Variants in U2SURP observed in about 807,000 individuals in gnomAD.
U2SURP encodes the protein U2 snRNP-associated SURP motif-containing protein.
A neutral mutation model predicts 144.9 loss-of-function variants in U2SURP; 9 were observed. That is an observed-to-expected ratio of 0.06 (90% CI 0.04 to 0.11). U2SURP has a LOEUF of 0.11. U2SURP is among the 10% of genes least tolerant of loss of function. The pLI, the probability that U2SURP is intolerant of heterozygous loss-of-function variation, is 1.00. For synonymous variants in U2SURP, 408 were observed against 396.8 expected, an observed-to-expected ratio of 1.03 and a Z score of -0.33; for missense variants, 724 against 1,226.7, an observed-to-expected ratio of 0.59 and a Z score of 6.12.
At chr3:143,051,603 A>C (rs1347505793) in intron 25 of U2SURP, among the ~76,000 whole-genome samples, 1 of 18,190 alleles carries the variant, frequency 5.5e-5, no homozygotes, top group Admixed American at 6.2e-4. Context: ...CTGTCGTTGC[A>C]AAAAAAAAAA....
At chr3:143,002,656 G>A (rs1053219290) in intron 1 of U2SURP, among the ~76,000 whole-genome samples, 3 of 152,166 alleles carry the variant, frequency 2.0e-5, no homozygotes, top group Non-Finnish European at 4.4e-5. Context: ...CTGTAAATCG[G>A]CTATTAGAAA....
chr3:143,016,762 A>G (rs1455694665), intron 5 of U2SURP, 80 bp from the exon 6 acceptor site: 1 of 1,264,216 alleles, frequency 7.9e-7, no homozygotes, highest in East Asian at 2.8e-5. Context: ...GCATTTTACT[A>G]ATTTTTACTT....
rs964024590 is a variant in U2SURP at position 143,056,546 on chromosome 3, G to A, written c.*96G>A. ...AAAAAACAAAAAATCAAATGAAAGA[G>A]CATTCCTGGGGTTTTTTGTTTGTTT... On this transcript the variant is annotated 3_prime_UTR_variant, in exon 28 of 28. Transcript: ENST00000473835. 35 of 1,463,836 alleles carry A rather than the reference G, an allele frequency of 2.4e-5. No homozygotes were observed. Among genetic ancestry groups the A allele is most frequent in the Admixed American group, 1.2e-4 (5 of 42,556 alleles). 90.7% of individuals were successfully genotyped at this position (1,463,836 alleles called of 1,614,324 possible).
intron 10 of U2SURP, 85 bp from the exon 11 acceptor site, chr3:143,022,412 T>C (rs1936686395): frequency 9.7e-6 from 13 of 1,339,268 alleles, no homozygotes; most frequent in Non-Finnish European, 1.3e-5. Context: ...TTGCTTTTTA[T>C]TTTGTAAAAA....
chr3:143,031,117 T>C (rs1560190932), intron 16 of U2SURP, among the ~76,000 whole-genome samples: 1 of 152,162 alleles, frequency 6.6e-6, no homozygotes, highest in African/African-American at 2.4e-5. Flanking sequence ...CTTTAATAAA[T>C]GAGGAGTTGC....
chr3:143,033,189 T>C (rs1933601561), intron 17 of U2SURP, 82 bp from the exon 18 acceptor site: 2 of 935,196 alleles, frequency 2.1e-6, no homozygotes, highest in South Asian at 1.6e-5. Context: ...CATATAACTC[T>C]TCTAATTAGT....
chr3:143,024,957 A>G (rs1426066834), intron 13 of U2SURP, among the ~76,000 whole-genome samples: 1 of 151,990 alleles, frequency 6.6e-6, no homozygotes, highest in Non-Finnish European at 1.5e-5. Flanking sequence ...TAAATAATGC[A>G]CTTTAAATAT....
rs540801244 is a variant in U2SURP at position 143,040,395 on chromosome 3, G to C, written c.2384+1435G>C. 8.6e-5 allele frequency among the ~76,000 whole-genome samples: 13 copies of C among 151,810 alleles called. No homozygotes were observed. In the East Asian group the frequency reaches 1.5e-3, roughly 18 times the overall value. ...GTAAAAATAACAAAGTACAAAGCAA[G>C]GAAAAAAAGCTTTTGTGCAGCTTGT... On this transcript the variant is annotated intron_variant, in intron 23 of 27. Coordinates refer to ENST00000473835, the MANE Select transcript of U2SURP (RefSeq NM_001080415.2).
chr3:143,039,521 C>G (rs922151209), intron 23 of U2SURP, among the ~76,000 whole-genome samples: 6 of 151,532 alleles, frequency 4.0e-5, no homozygotes, highest in African/African-American at 4.8e-5. Context: ...TCTCTCCTCT[C>G]AGATTCTCCT....
At chr3:143,011,050 G>A (rs1354375756) in intron 2 of U2SURP, among the ~76,000 whole-genome samples, 191 bp downstream of exon 2, 2 of 149,982 alleles carry the variant, frequency 1.3e-5, no homozygotes, top group Non-Finnish European at 3.0e-5. Flanking sequence ...CCTCTGAAGC[G>A]ATGTTAGAAA....
intron 3 of U2SURP, among the ~76,000 whole-genome samples, chr3:143,012,701 A>G (rs942543914): frequency 1.3e-5 from 2 of 152,170 alleles, no homozygotes; most frequent in African/African-American, 4.8e-5. Context: ...TCATTGAAAC[A>G]CTGTTCGTGT....
At chr3:143,004,573 AC>A (rs753834748) in intron 1 of U2SURP, among the ~76,000 whole-genome samples, 1,223 of 48,542 alleles carry the variant, frequency 0.025, 215 homozygotes, top group African/African-American at 0.078. Context: ...TGACCTTGTG[AC>A]CCCCCCCCCC....
At position 143,045,714 on chromosome 3, in the gene U2SURP, G is replaced by A. The variant is rs1266794913; in HGVS notation, c.2544+2438G>A. On this transcript the variant is annotated intron_variant, in intron 24 of 27. Transcript: ENST00000473835. ...ATCTGGCCTGTCCTTTATGTATTCA[G>A]TGATTATTTCTCCTGCTTTCATAGT... Among the ~76,000 whole-genome samples, 3 of 152,194 alleles carry A rather than the reference G, an allele frequency of 2.0e-5. No homozygotes were observed. In the East Asian group the frequency reaches 5.8e-4, roughly 29 times the overall value.
At chr3:143,003,331 A>T (rs1258378819) in intron 1 of U2SURP, among the ~76,000 whole-genome samples, 1 of 152,222 alleles carries the variant, frequency 6.6e-6, no homozygotes, top group Non-Finnish European at 1.5e-5. Context: ...ATGTAGTGGG[A>T]AGATTATGAA....
chr3:143,047,600 A>G (rs1934583509), intron 24 of U2SURP, among the ~76,000 whole-genome samples: 1 of 35,994 alleles, frequency 2.8e-5, no homozygotes, highest in Non-Finnish European at 4.9e-5. Context: ...TCCCTCCCGG[A>G]CGGGGCGGCT....
chr3:143,016,062 G>A (rs376521232), intron 4 of U2SURP, among the ~76,000 whole-genome samples, 195 bp from the exon 5 acceptor site: 9 of 152,088 alleles, frequency 5.9e-5, no homozygotes, highest in Non-Finnish European at 8.8e-5. Flanking sequence ...GCAAATTGCC[G>A]GTAGAGGAGC....
In U2SURP at chr3:143,016,848, A is replaced by C; in HGVS notation, c.443A>C (p.His148Pro). Residue 148 changes from histidine (H) to proline (P), a missense_variant, in exon 6 of 28, where the codon CAT becomes CCT. This residue lies in a region of U2SURP where 115 missense variants were observed against 258.1 expected (regional missense o/e 0.45). Coordinates refer to ENST00000473835, the MANE Select transcript of U2SURP (RefSeq NM_001080415.2). The stretch of plus-strand genomic sequence containing the variant: ...TTAGTATTTTAAATTTCAGAAGAAC[A>C]TGAAACAGATGAAAAAAGAGGTAAA... ...GGVVNAAKEEHETDEKRGKIY... is the reference protein window; with the variant it reads ...GGVVNAAKEEPETDEKRGKIY... 6.4e-7 allele frequency: 1 copy of C among 1,553,212 alleles called. No homozygotes were observed.
At chr3:143,053,889 G>A in intron 26 of U2SURP, 95 bp downstream of exon 26, 1 of 1,074,150 alleles carries the variant, frequency 9.3e-7, no homozygotes, top group Non-Finnish European at 1.3e-6. Context: ...CAAACTGGAA[G>A]TGTTTGTTCA....
chr3:143,014,399 TAAAGAA>T lies in U2SURP; in HGVS notation c.316_321del (p.Lys106_Lys107del). On this transcript the variant is annotated inframe_deletion, in exon 4 of 28. Coordinates refer to ENST00000473835, the MANE Select transcript of U2SURP (RefSeq NM_001080415.2). ...TTAAGTAAAAAGGAACAGGAAGAAT[TAAAGAA>T]AAAGGTAATGTTGAAAATGTATTTT... The T allele has an allele frequency of 6.3e-7, 1 of 1,597,830 alleles. No individual in the cohort carries two copies. Among genetic ancestry groups the T allele is most frequent in the Non-Finnish European group, 8.6e-7 (1 of 1,168,052 alleles).
Sources: gnomAD v4.1 joint callset for allele counts (sites outside exome capture counted in the v4.1 genomes callset) on GRCh38, gnomAD v4.1.1 for gene constraint, gnomAD v4.1.1 regional missense constraint, MANE v1.5 for transcripts, NCBI Gene and HGNC (gene_info 2026-07-23, HGNC 2026-07-21) for gene names.